AGAP1: variants seen among roughly 807,000 people sequenced by gnomAD.
AGAP1 encodes the protein ArfGAP with GTPase domain, ankyrin repeat and PH domain 1.
Under a neutral mutation model 105.3 loss-of-function variants are expected in AGAP1, and 29 were observed. That is an observed-to-expected ratio of 0.28 (90% confidence interval 0.21 to 0.38). The LOEUF (loss-of-function observed/expected upper bound fraction) is 0.38, where lower values mean the gene tolerates loss of function less well. Ranked by LOEUF, AGAP1 falls within the 10% of genes least tolerant of loss-of-function variation. The pLI, the probability that AGAP1 is intolerant of heterozygous loss-of-function variation, is 1.00. For synonymous variants in AGAP1, 509 were observed against 485.9 expected (o/e 1.05, Z -0.63); for missense variants, 998 against 1,165.1 (o/e 0.86, Z 2.09).
rs1944800428 is a variant in AGAP1 at position 235,578,173 on chromosome 2, C to G, written c.163+83324C>G. 6.6e-6 allele frequency among the ~76,000 whole-genome samples: 1 copy of G among 152,132 alleles called. No individual in the cohort carries two copies. Among genetic ancestry groups the G allele is most frequent in the South Asian group, 2.1e-4 (1 of 4,826 alleles). On this transcript the variant is annotated intron_variant, in intron 1 of 17. Transcript: ENST00000304032. This position sits in a 1 kb window ranked among gnomAD's most constrained non-coding sequence, Gnocchi z 4.9. ...GTAGAGCTATAAAGGACTTGGCCAC[C>G]AAGGTTGGAGCTGAGCCCCCCATGT...
At position 235,890,850 on chromosome 2, in the gene AGAP1, C is replaced by A. The variant is rs1457638635; in HGVS notation, c.1155+7401C>A. On this transcript the variant is annotated intron_variant, in intron 10 of 17. Coordinates refer to ENST00000304032, the MANE Select transcript of AGAP1 (RefSeq NM_001037131.3). The stretch of plus-strand genomic sequence containing the variant: ...CTCTAAAACTTTCACCAAAAACTCT[C>A]AGCAAACTCAAGCTAATGGAGTTAG... 3.3e-5 allele frequency among the ~76,000 whole-genome samples: 5 copies of A among 151,166 alleles called. No homozygotes were observed. The East Asian group carries it at 7.9e-4, about 24-fold the overall frequency.
intron 10 of AGAP1, among the ~76,000 whole-genome samples, chr2:235,892,762 A>G (rs770743453): frequency 2.0e-5 from 3 of 152,112 alleles, no homozygotes; most frequent in Non-Finnish European, 2.9e-5. Context: ...GCTAGGATGG[A>G]CCTCAGACTT....
rs1389438600 is a variant in AGAP1 at position 236,045,460 on chromosome 2, T to C, written c.1892-3599T>C. 6.6e-6 allele frequency among the ~76,000 whole-genome samples: 1 copy of C among 152,142 alleles called. No individual in the cohort carries two copies. Among genetic ancestry groups the C allele is most frequent in the African/African-American group, 2.4e-5 (1 of 41,426 alleles). On this transcript the variant is annotated intron_variant, in intron 15 of 17. Coordinates refer to ENST00000304032, the MANE Select transcript of AGAP1 (RefSeq NM_001037131.3). The surrounding 1 kb of genome is among the most constrained non-coding windows in gnomAD (Gnocchi z 6.9). ...AATCCTTCTGACAGCCCCTTGAGGA[T>C]GGGAATTATTAGCCTCATTTCTCTG...
rs1218832493 is a variant in AGAP1, at chr2:235,557,746, A to G, written c.163+62897A>G. Among the ~76,000 whole-genome samples, 1 of 152,158 alleles carries G rather than the reference A, an allele frequency of 6.6e-6. No homozygotes were observed. The highest frequency in any genetic ancestry group is 1.9e-4 in the East Asian group (1 of 5,188). On this transcript the variant is annotated intron_variant, in intron 1 of 17. Transcript: ENST00000304032. This position sits in a 1 kb window ranked among gnomAD's most constrained non-coding sequence, Gnocchi z 4.7. The stretch of plus-strand genomic sequence containing the variant: ...GAGTGGGCACTTCAGGTCCCGCTCC[A>G]TGGCCGTGTGCACCTTCATGGTACG...
chr2:235,668,934 T>C (rs1267972130), intron 1 of AGAP1, among the ~76,000 whole-genome samples: 1 of 152,132 alleles, frequency 6.6e-6, no homozygotes, highest in Non-Finnish European at 1.5e-5. Context: ...GTCTGCTTGC[T>C]CTTAACCGCA....
chr2:235,514,730 C>T (rs1559215351), intron 1 of AGAP1, among the ~76,000 whole-genome samples: 1 of 152,262 alleles, frequency 6.6e-6, no homozygotes, highest in Non-Finnish European at 1.5e-5. Context: ...GCACGTCTCT[C>T]CCCAGCATGG....
chr2:235,548,015 A>G (rs1368220855), intron 1 of AGAP1, among the ~76,000 whole-genome samples: 2 of 152,222 alleles, frequency 1.3e-5, no homozygotes, highest in Non-Finnish European at 2.9e-5. Context: ...GACAGCTACA[A>G]TATTTGTTAG....
chr2:235,777,225 C>T lies in AGAP1; in HGVS notation c.674-20534C>T, dbSNP rs1212172858. On this transcript the variant is annotated intron_variant, in intron 6 of 17. Transcript: ENST00000304032. This position sits in a 1 kb window ranked among gnomAD's most constrained non-coding sequence, Gnocchi z 5.1. ...TACAAAAAATTAGCCAGGCGTGCGC[C>T]TGTAATCCCAGCTACTCGGGAGTCT... Among the ~76,000 whole-genome samples, 3 of 152,192 alleles carry T rather than the reference C, an allele frequency of 2.0e-5. No individual in the cohort carries two copies. Among genetic ancestry groups the T allele is most frequent in the Admixed American group, 6.5e-5 (1 of 15,286 alleles).
At chr2:235,593,872 G>A (rs1478373341) in intron 1 of AGAP1, among the ~76,000 whole-genome samples, 7 of 152,106 alleles carry the variant, frequency 4.6e-5, no homozygotes, top group African/African-American at 1.4e-4. Context: ...GGGAGGCTGA[G>A]GTAGGAGGAT....
At chr2:235,856,864 C>G (rs752025732) in intron 9 of AGAP1, among the ~76,000 whole-genome samples, 2 of 152,256 alleles carry the variant, frequency 1.3e-5, no homozygotes, top group South Asian at 4.1e-4. Context: ...CAGCCACTGT[C>G]GTGAGCTCAG....
chr2:236,064,925 C>T (rs977146786), intron 16 of AGAP1, among the ~76,000 whole-genome samples: 2 of 152,158 alleles, frequency 1.3e-5, no homozygotes, highest in Non-Finnish European at 2.9e-5. Context: ...AGTAGATACT[C>T]AATAAATATT....
chr2:235,573,060 CTTT>C (rs1944616412), intron 1 of AGAP1, among the ~76,000 whole-genome samples: 4 of 66,310 alleles, frequency 6.0e-5, no homozygotes, highest in African/African-American at 1.3e-4. Flanking sequence ...TCTTCTTCTT[CTTT>C]CTTCTTTCTT....
At chr2:235,678,020 G>A (rs929499988) in intron 1 of AGAP1, among the ~76,000 whole-genome samples, 4 of 138,884 alleles carry the variant, frequency 2.9e-5, no homozygotes, top group Non-Finnish European at 6.1e-5. Context: ...ATGCGTATTT[G>A]TGACTTGCTT....
At chr2:235,776,830 G>A (rs1319449997) in intron 6 of AGAP1, 1 of 461,828 alleles carries the variant, frequency 2.2e-6, no homozygotes, top group Non-Finnish European at 4.5e-6. Context: ...TCAGGCATCG[G>A]CACCAACTCG....
rs895291246 is a variant in AGAP1, at chr2:236,002,001, C to T, written c.1645+33378C>T. On this transcript the variant is annotated intron_variant, in intron 13 of 17. Coordinates refer to ENST00000304032, the MANE Select transcript of AGAP1 (RefSeq NM_001037131.3). The surrounding 1 kb of genome is among the most constrained non-coding windows in gnomAD (Gnocchi z 4.3). ...AAGCTTGCGTTGCACATTCAGCCCA[C>T]GCCTCCATGGCTGGTCCTGGACTGG... Among the ~76,000 whole-genome samples, 8 of 152,306 alleles carry T rather than the reference C, an allele frequency of 5.3e-5. No homozygotes were observed. The highest frequency in any genetic ancestry group is 1.2e-4 in the Non-Finnish European group (8 of 68,034).
rs960497295 is a variant in AGAP1, at chr2:235,662,565, G to A, written c.164-46614G>A. 4.0e-5 allele frequency among the ~76,000 whole-genome samples: 6 copies of A among 149,920 alleles called. No individual in the cohort carries two copies. Among genetic ancestry groups the A allele is most frequent in the Non-Finnish European group, 8.9e-5 (6 of 67,686 alleles). On this transcript the variant is annotated intron_variant, in intron 1 of 17. Coordinates refer to ENST00000304032, the MANE Select transcript of AGAP1 (RefSeq NM_001037131.3). The surrounding 1 kb of genome is among the most constrained non-coding windows in gnomAD (Gnocchi z 4.2). ...TCTGTTGCCCAGGCTGGATTGCAGTGGTGGCATCTCAGCTCACTGCAACCT... is the reference window on the plus strand; with the variant it reads ...TCTGTTGCCCAGGCTGGATTGCAGTAGTGGCATCTCAGCTCACTGCAACCT...
At chr2:235,922,012 G>T (rs905810968) in intron 11 of AGAP1, among the ~76,000 whole-genome samples, 4 of 152,224 alleles carry the variant, frequency 2.6e-5, no homozygotes, top group African/African-American at 9.6e-5. Flanking sequence ...AGATGGCGAA[G>T]GCCTAGTTTG....
intron 6 of AGAP1, among the ~76,000 whole-genome samples, chr2:235,760,762 A>G (rs752195726): frequency 1.2e-4 from 18 of 152,018 alleles, no homozygotes; most frequent in Admixed American, 6.6e-5. Flanking sequence ...ATTTTTCAAA[A>G]TTTTTGTAGA....
Position 235,793,070 on chromosome 2 carries a change from G to T in AGAP1, c.674-4689G>T, listed in dbSNP as rs1264791713. On this transcript the variant is annotated intron_variant, in intron 6 of 17. Coordinates refer to ENST00000304032, the MANE Select transcript of AGAP1 (RefSeq NM_001037131.3). The surrounding 1 kb of genome is among the most constrained non-coding windows in gnomAD (Gnocchi z 5.3). ...ACGTCAGGGTTCATGGAAGCCCGAGGAGGATGCAGAAGAGGAAAGGAGGGA... is the reference window on the plus strand; with the variant it reads ...ACGTCAGGGTTCATGGAAGCCCGAGTAGGATGCAGAAGAGGAAAGGAGGGA... Among the ~76,000 whole-genome samples the T allele has an allele frequency of 6.6e-6, 1 of 152,182 alleles. No individual in the cohort carries two copies. The highest frequency in any genetic ancestry group is 6.5e-5 in the Admixed American group (1 of 15,278).
Sources: gnomAD v4.1 joint callset for allele counts (sites outside exome capture counted in the v4.1 genomes callset) on GRCh38, gnomAD v4.1.1 for gene constraint, Gnocchi (gnomAD v3.1) non-coding constraint, MANE v1.5 for transcripts, NCBI Gene and HGNC (gene_info 2026-07-23, HGNC 2026-07-21) for gene names.